Variants in CTNNA3 observed in about 807,000 individuals in gnomAD.
The protein encoded by CTNNA3 is catenin alpha-3.
Under a neutral mutation model 95.7 loss-of-function variants are expected in CTNNA3, and 76 were observed. The observed-to-expected ratio is 0.79, with a 90% confidence interval of 0.66 to 0.96. The LOEUF is 0.96. Ranked by LOEUF, CTNNA3 falls within the 40% of genes least tolerant of loss-of-function variation. The pLI is 0.00. For missense variants in CTNNA3, 1,191 were observed against 1,089.8 expected, an observed-to-expected ratio of 1.09 and a Z score of -1.31; for synonymous variants, 431 against 374.4, an observed-to-expected ratio of 1.15 and a Z score of -1.74.
intron 4 of CTNNA3, 71 bp from the exon 5 acceptor site, chr10:67,522,032 C>G: frequency 1.3e-6 from 2 of 1,483,782 alleles, no homozygotes; most frequent in Non-Finnish European, 1.8e-6. Flanking sequence ...CTTGCTAACA[C>G]GAAGAGTCGA....
chr10:66,149,986 T>C (rs80233816), intron 13 of CTNNA3, among the ~76,000 whole-genome samples: 1,770 of 152,288 alleles, frequency 0.012, 66 homozygotes, highest in East Asian at 0.081. Flanking sequence ...GAGTTAACAA[T>C]GGACTTGGAT....
At chr10:66,703,890 A>G (rs1368116655) in intron 9 of CTNNA3, among the ~76,000 whole-genome samples, 1 of 152,178 alleles carries the variant, frequency 6.6e-6, no homozygotes, top group Non-Finnish European at 1.5e-5. Context: ...CAAATTTGTC[A>G]ATGAATTTTT....
At chr10:66,438,998 T>G (rs2093357816) in intron 11 of CTNNA3, among the ~76,000 whole-genome samples, 2 of 152,062 alleles carry the variant, frequency 1.3e-5, no homozygotes, top group African/African-American at 4.8e-5. Context: ...CCACCCTGCT[T>G]CGGGTCACCC....
chr10:66,386,628 C>T (rs2092894893), intron 11 of CTNNA3, among the ~76,000 whole-genome samples: 1 of 152,122 alleles, frequency 6.6e-6, no homozygotes, highest in African/African-American at 2.4e-5. Context: ...AAAAAGAGCC[C>T]ACATTGCCAA....
chr10:66,054,569 A>T (rs142532282), intron 15 of CTNNA3, among the ~76,000 whole-genome samples: 2 of 151,860 alleles, frequency 1.3e-5, no homozygotes, highest in Non-Finnish European at 2.9e-5. Context: ...TTTTGATTGG[A>T]TTGTTCTTTT....
intron 7 of CTNNA3, among the ~76,000 whole-genome samples, chr10:67,020,775 T>C (rs73326975): frequency 0.034 from 5,206 of 152,204 alleles, 321 homozygotes; most frequent in African/African-American, 0.12. Flanking sequence ...GGAATGACCA[T>C]GTAAGTTTCA....
chr10:66,958,972 G>T (rs1298261815), intron 7 of CTNNA3, among the ~76,000 whole-genome samples: 2 of 152,122 alleles, frequency 1.3e-5, no homozygotes, highest in African/African-American at 4.8e-5. Context: ...TAGGGAGAGA[G>T]AGTGTAAATG....
intron 9 of CTNNA3, among the ~76,000 whole-genome samples, chr10:66,715,981 A>G (rs777454385): frequency 6.6e-6 from 1 of 152,150 alleles, no homozygotes; most frequent in Non-Finnish European, 1.5e-5. Context: ...TGAAATGCAT[A>G]TAAGGAATAT....
intron 13 of CTNNA3, among the ~76,000 whole-genome samples, chr10:66,128,846 T>C (rs182207063): frequency 1.3e-5 from 2 of 152,272 alleles, no homozygotes; most frequent in East Asian, 3.9e-4. Flanking sequence ...GTGGAGGATG[T>C]TGATAACGGG....
rs116923345 is a variant in CTNNA3, at chr10:67,286,569, T to C, written c.580-66699A>G. On this transcript the variant is annotated intron_variant, in intron 5 of 17. Transcript: ENST00000433211. ...TTGACACTTGATGAATGGTGCCTTT[T>C]ATCTGCCCCCTCTGCAATTACTTAC... Among the ~76,000 whole-genome samples the C allele has an allele frequency of 3.3e-3, 502 of 152,344 alleles. 2 individuals carry two copies. Among genetic ancestry groups the C allele is most frequent in the South Asian group, 0.018 (89 of 4,822 alleles).
chr10:67,622,342 G>T (rs1388755886), intron 2 of CTNNA3, among the ~76,000 whole-genome samples: 2 of 152,200 alleles, frequency 1.3e-5, no homozygotes, highest in Non-Finnish European at 2.9e-5. Context: ...TTAGAAGTGG[G>T]TATCTATGGA....
chr10:66,003,947 T>G (rs1393671262), intron 15 of CTNNA3, among the ~76,000 whole-genome samples: 1 of 152,216 alleles, frequency 6.6e-6, no homozygotes, highest in South Asian at 2.1e-4. Context: ...CATCATATGC[T>G]GCTTCGCATG....
chr10:66,428,179 A>G (rs1419352525), intron 11 of CTNNA3, among the ~76,000 whole-genome samples: 8 of 152,066 alleles, frequency 5.3e-5, no homozygotes, highest in Non-Finnish European at 8.8e-5. Flanking sequence ...ATGGTAAAGG[A>G]ATCAATTCAA....
At chr10:66,806,754 ATATGTGTGTGTGTG>A (rs1246603952) in intron 7 of CTNNA3, among the ~76,000 whole-genome samples, 6 of 73,468 alleles carry the variant, frequency 8.2e-5, no homozygotes, top group African/African-American at 3.0e-4. Context: ...AATGTGGCAT[ATATGTGTGTGTGTG>A]TGTGTGTGTG....
intron 10 of CTNNA3, among the ~76,000 whole-genome samples, chr10:66,525,495 A>G (rs1377700115): frequency 6.6e-6 from 1 of 152,108 alleles, no homozygotes; most frequent in Non-Finnish European, 1.5e-5. Context: ...CTTAATTGCC[A>G]CACTGTACTC....
At chr10:66,971,865 A>G (rs1478404465) in intron 7 of CTNNA3, among the ~76,000 whole-genome samples, 1 of 152,048 alleles carries the variant, frequency 6.6e-6, no homozygotes, top group Non-Finnish European at 1.5e-5. Flanking sequence ...TTTCTGAGCC[A>G]AAATCATTTT....
chr10:65,959,995 G>A (rs2077809671), intron 17 of CTNNA3, among the ~76,000 whole-genome samples: 1 of 152,128 alleles, frequency 6.6e-6, no homozygotes, highest in African/African-American at 2.4e-5. Context: ...TGTGAACTTA[G>A]CTTATTTTCT....
At chr10:67,407,289 A>C (rs1474541351) in intron 5 of CTNNA3, among the ~76,000 whole-genome samples, 1 of 152,234 alleles carries the variant, frequency 6.6e-6, no homozygotes, top group Non-Finnish European at 1.5e-5. Flanking sequence ...AATGTGATTT[A>C]TCACATAAAC....
chr10:66,289,769 GA>G (rs1245502380), intron 12 of CTNNA3, among the ~76,000 whole-genome samples: 1 of 151,980 alleles, frequency 6.6e-6, no homozygotes, highest in African/African-American at 2.4e-5. Flanking sequence ...ACAAGAAAAT[GA>G]AGTTTTATAA....
Sources: allele counts gnomAD v4.1 joint callset (sites outside exome capture counted in the v4.1 genomes callset), GRCh38; gene constraint gnomAD v4.1.1; transcripts MANE v1.5; gene names NCBI Gene and HGNC (gene_info 2026-07-23, HGNC 2026-07-21).